The following ARL15 variants were observed in gnomAD, a reference collection of about 807,000 sequenced individuals.
The protein encoded by ARL15 is ADP-ribosylation factor-like protein 15.
ARL15 carries 19 observed loss-of-function variants against 25.2 expected under a neutral mutation model. That is an observed-to-expected ratio of 0.75 (90% CI 0.53 to 1.10). The LOEUF is 1.10. Ranked by LOEUF, ARL15 falls within the 50% of genes least tolerant of loss-of-function variation. The pLI, the probability that ARL15 is intolerant of heterozygous loss-of-function variation, is 0.00. For missense variants in ARL15, 220 were observed against 246.0 expected (o/e 0.89, Z 0.71); for synonymous variants, 94 against 86.8 (o/e 1.08, Z -0.46).
chr5:53,981,487 C>A (rs1418924696), intron 4 of ARL15, among the ~76,000 whole-genome samples: 1 of 152,174 alleles, frequency 6.6e-6, no homozygotes, highest in African/African-American at 2.4e-5. Flanking sequence ...GCAACTGATA[C>A]TCTGTGAGCA....
chr5:54,169,216 A>C (rs531077002), intron 2 of ARL15, among the ~76,000 whole-genome samples: 1 of 152,352 alleles, frequency 6.6e-6, no homozygotes, highest in Non-Finnish European at 1.5e-5. Context: ...CTCTAGCAAT[A>C]GTGCTAGAAG....
intron 1 of ARL15, among the ~76,000 whole-genome samples, chr5:54,180,433 A>G (rs1278246821): frequency 1.3e-5 from 2 of 152,240 alleles, no homozygotes; most frequent in African/African-American, 4.8e-5. Flanking sequence ...AATAACAAAC[A>G]GGGCAAAGGA....
intron 4 of ARL15, among the ~76,000 whole-genome samples, chr5:53,908,347 AC>A (rs1315074924): frequency 4.6e-5 from 7 of 152,194 alleles, no homozygotes; most frequent in African/African-American, 1.7e-4. Flanking sequence ...AAAATTGCAC[AC>A]GTACTGAACA....
chr5:53,937,009 T>C, intron 4 of ARL15, among the ~76,000 whole-genome samples: 1 of 152,158 alleles, frequency 6.6e-6, no homozygotes, highest in East Asian at 1.9e-4. Context: ...CACATGCTTT[T>C]GGAAAAAATC....
intron 4 of ARL15, among the ~76,000 whole-genome samples, chr5:54,012,801 G>C (rs1749289097): frequency 6.6e-6 from 1 of 151,104 alleles, no homozygotes; most frequent in Admixed American, 6.6e-5. Flanking sequence ...TGGGATTATA[G>C]GTGTGAGCCA....
In ARL15 at chr5:54,303,553, A is replaced by G. The variant is rs142561851; in HGVS notation, c.48+6879T>C. Among the ~76,000 whole-genome samples, 34 of 149,998 alleles carry G rather than the reference A, an allele frequency of 2.3e-4. No homozygotes were observed. The East Asian group carries it at 6.1e-3, about 27-fold the overall frequency. On this transcript the variant is annotated intron_variant, in intron 1 of 4. Coordinates refer to ENST00000504924, the MANE Select transcript of ARL15 (RefSeq NM_019087.3). Reference sequence around the variant, plus strand: ...GCAAGAAACAAACAAACAAACTGGGACTTGGGGCAGGTAGGAATGTGCCCC... The same window carrying G: ...GCAAGAAACAAACAAACAAACTGGGGCTTGGGGCAGGTAGGAATGTGCCCC...
At chr5:54,056,681 C>T (rs539078294) in intron 4 of ARL15, among the ~76,000 whole-genome samples, 18 of 147,590 alleles carry the variant, frequency 1.2e-4, no homozygotes, top group Non-Finnish European at 2.4e-4. Flanking sequence ...AATAAAGAAA[C>T]TGACACCTCG....
At chr5:54,261,399 G>C (rs901891979) in intron 1 of ARL15, among the ~76,000 whole-genome samples, 13 of 152,058 alleles carry the variant, frequency 8.5e-5, no homozygotes, top group African/African-American at 3.1e-4. Flanking sequence ...ACTCAGAAAG[G>C]TCTCCTAAAA....
intron 1 of ARL15, among the ~76,000 whole-genome samples, chr5:54,244,154 T>A (rs1333156099): frequency 6.6e-6 from 1 of 152,162 alleles, no homozygotes; most frequent in Non-Finnish European, 1.5e-5. Context: ...TAAAATAGCA[T>A]CCCTATAAGT....
chr5:54,223,895 G>A (rs1161605437), intron 1 of ARL15, among the ~76,000 whole-genome samples: 1 of 152,108 alleles, frequency 6.6e-6, no homozygotes, highest in Non-Finnish European at 1.5e-5. Flanking sequence ...CTGGAGGCAT[G>A]TCAGGAGCAG....
At chr5:54,260,632 C>A (rs1168726615) in intron 1 of ARL15, among the ~76,000 whole-genome samples, 1 of 152,164 alleles carries the variant, frequency 6.6e-6, no homozygotes, top group Non-Finnish European at 1.5e-5. Context: ...GGTTTCAACC[C>A]TGATTTGAAA....
intron 4 of ARL15, among the ~76,000 whole-genome samples, chr5:53,994,748 A>AT (rs1010657535): frequency 1.3e-5 from 2 of 152,118 alleles, no homozygotes; most frequent in African/African-American, 4.8e-5. Context: ...TTGTTTTAAA[A>AT]TTTTTTTTAA....
chr5:54,193,894 G>C (rs1755476430), intron 1 of ARL15, among the ~76,000 whole-genome samples: 1 of 152,018 alleles, frequency 6.6e-6, no homozygotes, highest in Non-Finnish European at 1.5e-5. Flanking sequence ...TAAAAAGCTT[G>C]GTTGAATTTT....
intron 1 of ARL15, among the ~76,000 whole-genome samples, chr5:54,265,363 C>A (rs1029389037): frequency 6.6e-6 from 1 of 152,144 alleles, no homozygotes; most frequent in Non-Finnish European, 1.5e-5. Context: ...TTTTTGAGCA[C>A]GAGTGCTGCC....
At chr5:54,110,663 T>C (rs969102893) in intron 4 of ARL15, among the ~76,000 whole-genome samples, 7 of 152,026 alleles carry the variant, frequency 4.6e-5, no homozygotes, top group African/African-American at 1.7e-4. Flanking sequence ...TTATCAGCAA[T>C]AGGGCACAGG....
chr5:53,909,162 G>A (rs1745372865), intron 4 of ARL15, among the ~76,000 whole-genome samples: 1 of 151,714 alleles, frequency 6.6e-6, no homozygotes, highest in Non-Finnish European at 1.5e-5. Flanking sequence ...AATAAATATG[G>A]CTCCACTGAA....
At position 53,964,505 on chromosome 5, in the gene ARL15, G is replaced by A. The variant is rs149839434; in HGVS notation, c.463-77792C>T. Among the ~76,000 whole-genome samples, 718 of 152,016 alleles carry A rather than the reference G, an allele frequency of 4.7e-3. 6 individuals are homozygous for A. The highest frequency in any genetic ancestry group is 0.014 in the African/African-American group (577 of 41,468). On this transcript the variant is annotated intron_variant, in intron 4 of 4. Transcript: ENST00000504924. ...CTCCCTAGTAGCTGGGACTACAGGC[G>A]CCCACCACCATGCCTGGCTAATTTT...
At chr5:54,027,830 G>A (rs17252123) in intron 4 of ARL15, among the ~76,000 whole-genome samples, 5,331 of 152,100 alleles carry the variant, frequency 0.035, 106 homozygotes, top group Non-Finnish European at 0.056. Context: ...ATTTTGCGCT[G>A]AACATTCCCA....
chr5:54,191,983 AT>A (rs1023902135), intron 1 of ARL15, among the ~76,000 whole-genome samples: 14 of 151,976 alleles, frequency 9.2e-5, no homozygotes, highest in African/African-American at 3.4e-4. Context: ...CCCACTCCTA[AT>A]TATTTCTATG....
Sources: allele counts gnomAD v4.1 joint callset (sites outside exome capture counted in the v4.1 genomes callset), GRCh38; gene constraint gnomAD v4.1.1; transcripts MANE v1.5; gene names NCBI Gene and HGNC (gene_info 2026-07-23, HGNC 2026-07-21).